Variants in RPRD2 observed in about 807,000 individuals in gnomAD.
RPRD2 encodes the protein regulation of nuclear pre-mRNA domain containing 2.
RPRD2 carries 12 observed loss-of-function variants against 104.4 expected under a neutral mutation model. That is an observed-to-expected ratio of 0.11 (90% CI 0.07 to 0.19). RPRD2 has a LOEUF of 0.19. Among genes scored for constraint, RPRD2 ranks in the 10% least tolerant of loss-of-function variants. RPRD2 has a pLI of 1.00. For synonymous variants in RPRD2, 714 were observed against 684.9 expected (o/e 1.04, Z -0.66); for missense variants, 1,543 against 1,790.1 (o/e 0.86, Z 2.49).
At chr1:150,446,083 G>A (rs59681095) in intron 6 of RPRD2, 143 bp from the exon 7 acceptor site, 56,398 of 418,298 alleles carry the variant, frequency 0.13, 6,349 homozygotes, top group African/African-American at 0.29. Flanking sequence ...AAAAAAAAAA[G>A]AAAGAAACTA....
rs1665867175 is a variant in RPRD2 at position 150,434,581 on chromosome 1, C to T, written c.336-6342C>T. Among the ~76,000 whole-genome samples the T allele has an allele frequency of 2.0e-5, 3 of 151,554 alleles. No homozygotes were observed. In the South Asian group the frequency reaches 6.3e-4, roughly 32 times the overall value. On this transcript the variant is annotated intron_variant, in intron 2 of 10. Transcript: ENST00000369068. ...CTGTAATCCCAACACTTTGGGAGGC[C>T]GAGGCGGGTGGATCATTTGAGGTCA...
At chr1:150,443,149 T>C in intron 4 of RPRD2, 82 bp from the exon 5 acceptor site, 2 of 927,624 alleles carry the variant, frequency 2.2e-6, no homozygotes, top group South Asian at 1.5e-5. Context: ...AGAGTATATC[T>C]TTAACTATAG....
chr1:150,397,420 G>A (rs1259352027), intron 1 of RPRD2, among the ~76,000 whole-genome samples: 1 of 152,036 alleles, frequency 6.6e-6, no homozygotes, highest in Non-Finnish European at 1.5e-5. Context: ...TAATTGTGTA[G>A]CCACCACAAT....
At chr1:150,460,933 C>G (rs1366166621) in intron 9 of RPRD2, among the ~76,000 whole-genome samples, 1 of 151,332 alleles carries the variant, frequency 6.6e-6, no homozygotes, top group Non-Finnish European at 1.5e-5. Flanking sequence ...CCATGTTGGT[C>G]AGGCTGGTCT....
Position 150,471,549 on chromosome 1 carries a change from C to T in RPRD2, c.2601C>T (p.Thr867=), listed in dbSNP as rs587651315. 1.8e-5 allele frequency: 29 copies of T among 1,613,820 alleles called. No individual in the cohort carries two copies. The highest frequency in any genetic ancestry group is 1.0e-4 in the Admixed American group (6 of 60,000). ...ILKSSKLSDT[T]EYQPILSSYS... ...AATCAAGCAAGCTGTCTGATACCAC[C>T]GAGTACCAGCCAATTCTGTCCAGTT... Residue 867 remains threonine (T), a synonymous_variant, in exon 11 of 11, where the codon ACC becomes ACT. Coordinates refer to ENST00000369068, the MANE Select transcript of RPRD2 (RefSeq NM_015203.5). This position sits in a 1 kb window ranked among gnomAD's most constrained non-coding sequence, Gnocchi z 5.3.
intron 1 of RPRD2, among the ~76,000 whole-genome samples, chr1:150,369,721 T>C (rs1660154863): frequency 1.3e-5 from 2 of 148,280 alleles, no homozygotes; most frequent in Non-Finnish European, 3.0e-5. Context: ...CCTCCCAAAG[T>C]GCTGGGATTA....
intron 1 of RPRD2, among the ~76,000 whole-genome samples, chr1:150,381,027 G>A (rs951559339): frequency 1.3e-5 from 2 of 151,972 alleles, no homozygotes; most frequent in African/African-American, 2.4e-5. Context: ...GAGACACATG[G>A]CCCCCCTCAC....
intron 1 of RPRD2, among the ~76,000 whole-genome samples, chr1:150,377,890 A>G (rs1395802253): frequency 1.3e-5 from 2 of 152,188 alleles, no homozygotes; most frequent in African/African-American, 4.8e-5. Context: ...TTAAAAATTT[A>G]TAAATTGAGT....
At chr1:150,368,625 G>C (rs1259797062) in intron 1 of RPRD2, among the ~76,000 whole-genome samples, 1 of 151,950 alleles carries the variant, frequency 6.6e-6, no homozygotes, top group African/African-American at 2.4e-5. Flanking sequence ...CACCATGCCT[G>C]GCTAATTTTT....
intron 2 of RPRD2, among the ~76,000 whole-genome samples, chr1:150,428,255 C>T (rs1553890910): frequency 6.6e-6 from 1 of 151,880 alleles, no homozygotes; most frequent in African/African-American, 2.4e-5. Context: ...AGTTCGAGAC[C>T]AGCCTGACCA....
chr1:150,408,158 ATTTTTTTT>A (rs10684924), intron 1 of RPRD2, among the ~76,000 whole-genome samples: 2 of 95,096 alleles, frequency 2.1e-5, no homozygotes, highest in Admixed American at 1.3e-4. Flanking sequence ...TATTCATATG[ATTTTTTTT>A]TTTTTTTTTT....
intron 9 of RPRD2, 132 bp downstream of exon 9, chr1:150,460,449 G>A (rs1434644669): frequency 1.1e-6 from 1 of 922,754 alleles, no homozygotes; most frequent in Non-Finnish European, 1.6e-6. Flanking sequence ...TGTCTCCCAG[G>A]CAGGAGTGCA....
At chr1:150,393,467 A>AAAAC (rs1553883580) in intron 1 of RPRD2, among the ~76,000 whole-genome samples, 1 of 151,682 alleles carries the variant, frequency 6.6e-6, no homozygotes, top group African/African-American at 2.4e-5. Flanking sequence ...AAAAAAAAAA[A>AAAAC]AAAAAAAAAA....
chr1:150,406,288 G>A (rs587666932), intron 1 of RPRD2, among the ~76,000 whole-genome samples: 2 of 152,278 alleles, frequency 1.3e-5, no homozygotes, highest in African/African-American at 2.4e-5. Context: ...TCCACTAGGG[G>A]TCTTAGAACA....
At position 150,415,850 on chromosome 1, in the gene RPRD2, A is replaced by G. The variant is rs369600331; in HGVS notation, c.206-1746A>G. Reference sequence around the variant, plus strand: ...TCTAGGTGAGTTTAAATATGGATACATTTTTTGTGACAAGATAATTTCCAT... The same window carrying G: ...TCTAGGTGAGTTTAAATATGGATACGTTTTTTGTGACAAGATAATTTCCAT... On this transcript the variant is annotated intron_variant, in intron 1 of 10. Transcript: ENST00000369068. Among the ~76,000 whole-genome samples the G allele has an allele frequency of 2.6e-5, 4 of 152,268 alleles. No individual in the cohort carries two copies. The Middle Eastern group carries it at 0.01, about 388-fold the overall frequency.
chr1:150,388,437 T>C (rs1292545813), intron 1 of RPRD2, among the ~76,000 whole-genome samples: 1 of 150,636 alleles, frequency 6.6e-6, no homozygotes, highest in Non-Finnish European at 1.5e-5. Flanking sequence ...CATATATACA[T>C]GTATACACAC....
At position 150,400,607 on chromosome 1, in the gene RPRD2, C is replaced by G. The variant is rs184633529; in HGVS notation, c.206-16989C>G. ...TGGGGCTCAGGGGTTAATGTTCGCT[C>G]ACCCACCACTCACCTCCTACTGTGT... On this transcript the variant is annotated intron_variant, in intron 1 of 10. Transcript: ENST00000369068. 1.8e-3 allele frequency among the ~76,000 whole-genome samples: 279 copies of G among 152,260 alleles called. 2 individuals carry two copies. The highest frequency in any genetic ancestry group is 3.4e-3 in the Middle Eastern group (1 of 294).
chr1:150,466,682 A>G (rs1346349148), intron 10 of RPRD2, among the ~76,000 whole-genome samples: 4 of 151,894 alleles, frequency 2.6e-5, no homozygotes, highest in African/African-American at 4.8e-5. Flanking sequence ...TCACCTACCT[A>G]TAATCTCTCT....
chr1:150,395,278 C>G (rs1460395896), intron 1 of RPRD2, among the ~76,000 whole-genome samples: 2 of 152,066 alleles, frequency 1.3e-5, no homozygotes, highest in African/African-American at 4.8e-5. Flanking sequence ...TCCTGAATTA[C>G]TTCACTTAGA....
Sources: gnomAD v4.1 joint callset for allele counts (sites outside exome capture counted in the v4.1 genomes callset) on GRCh38, gnomAD v4.1.1 for gene constraint, Gnocchi (gnomAD v3.1) non-coding constraint, MANE v1.5 for transcripts, NCBI Gene and HGNC (gene_info 2026-07-23, HGNC 2026-07-21) for gene names.